Variants in KCNG2 observed in about 807,000 individuals in gnomAD.
KCNG2 encodes the protein potassium voltage-gated channel modifier subfamily G member 2, also known as voltage-gated potassium channel regulatory subunit KCNG2.
A neutral mutation model predicts 12.3 loss-of-function variants in KCNG2; 7 were observed. That is an observed-to-expected ratio of 0.57 (90% CI 0.32 to 1.07). The LOEUF is 1.07. KCNG2 is among the 50% of genes least tolerant of loss of function. The pLI, the probability that KCNG2 is intolerant of heterozygous loss-of-function variation, is 0.04. For missense variants in KCNG2, 703 were observed against 726.0 expected (o/e 0.97, Z 0.36); for synonymous variants, 414 against 351.4 (o/e 1.18, Z -1.99).
In KCNG2 at chr18:79,899,708, G is replaced by A. The variant is rs749845712; in HGVS notation, c.1293G>A (p.Glu431=). The change falls in exon 4 of 4, where the codon GAG becomes GAA. Residue 431 remains glutamate (E), a synonymous_variant. Coordinates refer to ENST00000316249, the MANE Select transcript of KCNG2 (RefSeq NM_012283.2). ...RAASPEPALQ[E]DSTHSATATE... ...CCAGCCCCGAGCCGGCCCTGCAGGA[G>A]GACAGCACGCACTCGGCCACAGCCA... The A allele has an allele frequency of 1.1e-4, 179 of 1,605,970 alleles. No individual in the cohort carries two copies. Among genetic ancestry groups the A allele is most frequent in the Non-Finnish European group, 1.5e-4 (174 of 1,177,860 alleles).
rs141281938 is a variant in KCNG2, at chr18:79,802,614, C to G, written c.-115+4600C>G. ...AGGTTCACACCCCAAGGACACCCTT[C>G]CTGGCACTGACCCCTGTGTGCACAC... On this transcript the variant is annotated intron_variant, in intron 1 of 3. Transcript: ENST00000316249. 1.5e-4 allele frequency among the ~76,000 whole-genome samples: 23 copies of G among 152,368 alleles called. 1 individual carries two copies. Among genetic ancestry groups the G allele is most frequent in the African/African-American group, 5.0e-4 (21 of 41,586 alleles).
At chr18:79,853,007 C>T (rs928337526) in intron 1 of KCNG2, among the ~76,000 whole-genome samples, 4 of 152,230 alleles carry the variant, frequency 2.6e-5, no homozygotes, top group East Asian at 1.9e-4. Context: ...GACACGGCAC[C>T]GCGTGGATGC....
chr18:79,888,464 C>T (rs1451016120), intron 3 of KCNG2, among the ~76,000 whole-genome samples: 4 of 114,708 alleles, frequency 3.5e-5, no homozygotes, highest in East Asian at 3.2e-4. Flanking sequence ...CTCATGAGGC[C>T]GCGGTGGGGC....
intron 1 of KCNG2, among the ~76,000 whole-genome samples, chr18:79,833,690 T>A (rs1375827699): frequency 1.3e-5 from 2 of 152,182 alleles, no homozygotes; most frequent in African/African-American, 4.8e-5. Flanking sequence ...TCCAAATATG[T>A]GGTATAAATG....
chr18:79,828,441 TGTG>T (rs1256972384), intron 1 of KCNG2, among the ~76,000 whole-genome samples: 3 of 46,048 alleles, frequency 6.5e-5, no homozygotes, highest in Non-Finnish European at 4.1e-4. Context: ...TGTGTGCAAG[TGTG>T]TGGTGTGTGT....
intron 2 of KCNG2, among the ~76,000 whole-genome samples, chr18:79,861,983 T>C (rs1021835965): frequency 7.2e-5 from 11 of 152,240 alleles, no homozygotes; most frequent in Non-Finnish European, 1.3e-4. Context: ...ATCACTTTTT[T>C]TTAATATAAC....
chr18:79,900,021 T>C lies in KCNG2; in HGVS notation c.*205T>C. On this transcript the variant is annotated 3_prime_UTR_variant, in exon 4 of 4. Transcript: ENST00000316249. ...CAGCGCTGGGCAAAGTCACTGGCCT[T>C]TGTCCTCCTGCCCCACCCCTTTCCT... The C allele has an allele frequency of 2.6e-6, 1 of 383,920 alleles. No individual in the cohort carries two copies. Among genetic ancestry groups the C allele is most frequent in the Non-Finnish European group, 4.5e-6 (1 of 220,030 alleles). The allele number at this position is 383,920 out of a possible 1,614,324, so 23.8% of individuals were successfully genotyped here.
chr18:79,874,013 A>G (rs944257076), intron 3 of KCNG2, among the ~76,000 whole-genome samples: 1 of 152,224 alleles, frequency 6.6e-6, no homozygotes, highest in Non-Finnish European at 1.5e-5. Context: ...CCCAGAACCC[A>G]GTGGGAACAA....
chr18:79,829,632 C>T (rs926301602), intron 1 of KCNG2, among the ~76,000 whole-genome samples: 5 of 151,988 alleles, frequency 3.3e-5, no homozygotes, highest in African/African-American at 1.2e-4. Context: ...TACAGCTGGT[C>T]GGACTCTGCC....
chr18:79,838,197 A>G (rs1277069709), intron 1 of KCNG2, among the ~76,000 whole-genome samples: 1 of 152,178 alleles, frequency 6.6e-6, no homozygotes, highest in Non-Finnish European at 1.5e-5. Context: ...GTGATTACAA[A>G]TCAAGATGAG....
intron 3 of KCNG2, among the ~76,000 whole-genome samples, chr18:79,883,430 C>T (rs1980397436): frequency 6.6e-6 from 1 of 152,238 alleles, no homozygotes; most frequent in Admixed American, 6.5e-5. Flanking sequence ...TCATTTCTGA[C>T]GTTCCCTGAC....
At chr18:79,853,974 A>T (rs930981750) in intron 1 of KCNG2, among the ~76,000 whole-genome samples, 9 of 152,224 alleles carry the variant, frequency 5.9e-5, no homozygotes, top group African/African-American at 2.2e-4. Context: ...AACAGCACAG[A>T]CCAGTTTCCA....
At chr18:79,865,996 GTCT>G in intron 3 of KCNG2, among the ~76,000 whole-genome samples, 1 of 87,446 alleles carries the variant, frequency 1.1e-5, no homozygotes, top group African/African-American at 4.1e-5. Context: ...GGGTGCTGAG[GTCT>G]GGGTGCTGAG....
intron 1 of KCNG2, among the ~76,000 whole-genome samples, chr18:79,840,861 C>A (rs959028756): frequency 1.3e-5 from 2 of 152,058 alleles, no homozygotes; most frequent in African/African-American, 4.8e-5. Flanking sequence ...TTTCAACAAA[C>A]AATAAGACAT....
chr18:79,885,407 G>A (rs996278936), intron 3 of KCNG2, among the ~76,000 whole-genome samples: 4 of 152,142 alleles, frequency 2.6e-5, no homozygotes, highest in African/African-American at 7.2e-5. Flanking sequence ...AAACGTGCCC[G>A]CCGACCATCC....
intron 1 of KCNG2, among the ~76,000 whole-genome samples, chr18:79,836,519 T>C (rs2123032489): frequency 6.6e-6 from 1 of 152,328 alleles, no homozygotes; most frequent in African/African-American, 2.4e-5. Flanking sequence ...ATGAAACATA[T>C]ACCAAAGTTG....
chr18:79,819,286 G>A (rs764982028), intron 1 of KCNG2, among the ~76,000 whole-genome samples: 10 of 152,174 alleles, frequency 6.6e-5, no homozygotes, highest in Non-Finnish European at 1.5e-4. Context: ...CAGCTCAGGC[G>A]GGCCAGCCTC....
rs1482097196 is a variant in KCNG2, at chr18:79,800,647, C to T, written c.-115+2633C>T. The stretch of plus-strand genomic sequence containing the variant: ...GAAACAGCACTGGCTCCTTCACAGC[C>T]GCGGCTTTCCGGCAGGAGCCTCAGC... On this transcript the variant is annotated intron_variant, in intron 1 of 3. Coordinates refer to ENST00000316249, the MANE Select transcript of KCNG2 (RefSeq NM_012283.2). This position sits in a 1 kb window ranked among gnomAD's most constrained non-coding sequence, Gnocchi z 4.0. Among the ~76,000 whole-genome samples, 1 of 152,192 alleles carries T rather than the reference C, an allele frequency of 6.6e-6. No homozygotes were observed. The highest frequency in any genetic ancestry group is 1.5e-5 in the Non-Finnish European group (1 of 68,032).
intron 1 of KCNG2, among the ~76,000 whole-genome samples, chr18:79,831,653 C>A (rs2613523): frequency 0.01 from 238 of 22,720 alleles, 19 homozygotes; most frequent in African/African-American, 0.016. Context: ...GCGTGCCCTG[C>A]GGACAGAGCC....
Sources: allele counts gnomAD v4.1 joint callset (sites outside exome capture counted in the v4.1 genomes callset), GRCh38; gene constraint gnomAD v4.1.1; non-coding constraint Gnocchi (gnomAD v3.1); transcripts MANE v1.5; gene names NCBI Gene and HGNC (gene_info 2026-07-23, HGNC 2026-07-21).